Variants in LRCH1 observed in about 807,000 individuals in gnomAD.
LRCH1 encodes leucine rich repeats and calponin homology domain containing 1.
Under a neutral mutation model 94.9 loss-of-function variants are expected in LRCH1, and 23 were observed. That is an observed-to-expected ratio of 0.24 (90% CI 0.17 to 0.34). The LOEUF is 0.34. Ranked by LOEUF, LRCH1 falls within the 10% of genes least tolerant of loss-of-function variation. LRCH1 has a pLI of 1.00. For missense variants in LRCH1, 790 were observed against 945.9 expected, an observed-to-expected ratio of 0.84 and a Z score of 2.16; for synonymous variants, 364 against 354.9, an observed-to-expected ratio of 1.03 and a Z score of -0.29.
chr13:46,722,847 T>C (rs1430626400), intron 16 of LRCH1, among the ~76,000 whole-genome samples: 3 of 152,240 alleles, frequency 2.0e-5, no homozygotes, highest in African/African-American at 7.2e-5. Flanking sequence ...TTATTTGAAA[T>C]AAATTATCTG....
At chr13:46,748,829 G>C (rs1874012506), downstream of LRCH1, among the ~76,000 whole-genome samples, 3 of 152,164 alleles carry the variant, frequency 2.0e-5, no homozygotes, top group Admixed American at 2.0e-4. Context: ...TTGACAGGGG[G>C]CCATCTCTTA....
chr13:46,694,909 A>T lies in LRCH1; in HGVS notation c.1137A>T (p.Glu379Asp). The T allele has an allele frequency of 1.9e-6, 3 of 1,614,156 alleles. No homozygotes were observed. Among genetic ancestry groups the T allele is most frequent in the Non-Finnish European group, 2.5e-6 (3 of 1,179,996 alleles). Residue 379 changes from glutamate to aspartate, a missense_variant, in exon 9 of 20, where the codon GAA becomes GAT. Glu to Asp is a conservative substitution (Grantham distance 45, BLOSUM62 2). This residue lies in a region of LRCH1 where 460 missense variants were observed against 508.9 expected (regional missense o/e 0.90). Transcript: ENST00000389797. ...TCCTAATAGGGGAATTTCATCAGGA[A>T]TTTCAACCGGAGCCTTCCCTTTTGG... ...LSPVKGEFHQ[E>D]FQPEPSLLGD...
At chr13:46,688,985 T>C in intron 6 of LRCH1, 148 bp from the exon 7 acceptor site, 1 of 600,890 alleles carries the variant, frequency 1.7e-6, no homozygotes, top group Non-Finnish European at 2.9e-6. Flanking sequence ...TAATATTCTT[T>C]AATACTAGAC....
chr13:46,657,606 C>T (rs1274670335), intron 2 of LRCH1, among the ~76,000 whole-genome samples: 2 of 128,346 alleles, frequency 1.6e-5, no homozygotes, highest in African/African-American at 5.8e-5. Flanking sequence ...CTTACTGCAG[C>T]CTCGACCTCC....
intron 14 of LRCH1, 141 bp downstream of exon 14, chr13:46,711,985 C>T: frequency 3.4e-6 from 2 of 581,568 alleles, no homozygotes; most frequent in Non-Finnish European, 6.0e-6. Context: ...CTCTCATTAG[C>T]TATCATAGCT....
chr13:46,679,305 T>C (rs1187013431), intron 3 of LRCH1, among the ~76,000 whole-genome samples: 1 of 152,254 alleles, frequency 6.6e-6, no homozygotes, highest in Non-Finnish European at 1.5e-5. Context: ...TAGGATGGAA[T>C]GGCACCTTTT....
intron 17 of LRCH1, among the ~76,000 whole-genome samples, chr13:46,724,186 G>A (rs1445846244): frequency 3.9e-5 from 6 of 151,906 alleles, no homozygotes; most frequent in Admixed American, 6.6e-5. Flanking sequence ...AAAACGTTGG[G>A]ATTACAGGTA....
chr13:46,663,318 C>A (rs2138105046), intron 2 of LRCH1, among the ~76,000 whole-genome samples: 1 of 144,998 alleles, frequency 6.9e-6, no homozygotes, highest in East Asian at 2.1e-4. Context: ...TGTCACCAGG[C>A]AACTGAAAGC....
At chr13:46,671,965 T>G (rs1468147604) in intron 3 of LRCH1, among the ~76,000 whole-genome samples, 1 of 152,218 alleles carries the variant, frequency 6.6e-6, no homozygotes, top group Non-Finnish European at 1.5e-5. Flanking sequence ...GTGTTCACTC[T>G]TGGTGTTGTA....
At position 46,579,437 on chromosome 13, in the gene LRCH1, AT is replaced by A. The variant is rs534409463; in HGVS notation, c.307+25740del. ...TTTTTGCCTAGAGTTATTTTTAGTT[AT>A]TTTTTCTTCCTTGGAATTTCTTTTC... On this transcript the variant is annotated intron_variant, in intron 1 of 19. Coordinates refer to ENST00000389797, the MANE Select transcript of LRCH1 (RefSeq NM_001164211.2). Among the ~76,000 whole-genome samples the A allele has an allele frequency of 5.4e-3, 762 of 142,306 alleles. 9 individuals are homozygous for A. Among genetic ancestry groups the A allele is most frequent in the African/African-American group, 0.019 (719 of 37,784 alleles). 93.4% of individuals were successfully genotyped at this position (142,306 alleles called of 152,430 possible). A position where few individuals can be genotyped will look rare whatever the true frequency, so the allele number is the denominator to read the frequency against.
chr13:46,712,720 T>C, intron 15 of LRCH1, 123 bp downstream of exon 15: 1 of 871,408 alleles, frequency 1.1e-6, no homozygotes, highest in Admixed American at 2.1e-5. Flanking sequence ...AATCCTGGCA[T>C]CTACAGCTAG....
intron 1 of LRCH1, among the ~76,000 whole-genome samples, chr13:46,642,807 C>G (rs139767331): frequency 1.3e-5 from 2 of 152,276 alleles, no homozygotes; most frequent in East Asian, 3.9e-4. Context: ...GTCGTCTGCT[C>G]ACCTGGCTTT....
intron 11 of LRCH1, among the ~76,000 whole-genome samples, chr13:46,701,670 C>T (rs976799905): frequency 2.0e-5 from 3 of 152,132 alleles, no homozygotes; most frequent in Non-Finnish European, 4.4e-5. Flanking sequence ...ATTTGGGATA[C>T]AGGATAATTT....
chr13:46,750,450 C>T (rs1043065990), intron 18 of LRCH1: 16 of 904,186 alleles, frequency 1.8e-5, no homozygotes, highest in Non-Finnish European at 2.8e-5. Context: ...GAGTATTCAA[C>T]CTAACTTTGA....
chr13:46,693,335 A>C (rs182312437), intron 8 of LRCH1, among the ~76,000 whole-genome samples: 29 of 152,186 alleles, frequency 1.9e-4, no homozygotes, highest in Non-Finnish European at 3.2e-4. Flanking sequence ...TCATACCATG[A>C]CTCCATCATC....
chr13:46,588,158 C>T (rs1266813494), intron 1 of LRCH1, among the ~76,000 whole-genome samples: 1 of 152,180 alleles, frequency 6.6e-6, no homozygotes, highest in East Asian at 1.9e-4. Flanking sequence ...ATATTTATAA[C>T]ATGCTGTGCA....
intron 1 of LRCH1, among the ~76,000 whole-genome samples, chr13:46,560,558 A>G (rs1223593494): frequency 6.6e-6 from 1 of 152,200 alleles, no homozygotes; most frequent in African/African-American, 2.4e-5. Flanking sequence ...AAACGTGTTA[A>G]GGATGGAAGG....
chr13:46,662,279 C>G (rs188616755), intron 2 of LRCH1, among the ~76,000 whole-genome samples: 1 of 152,160 alleles, frequency 6.6e-6, no homozygotes, highest in African/African-American at 2.4e-5. Context: ...TGTATCTTTC[C>G]TAGTCATTTA....
intron 1 of LRCH1, among the ~76,000 whole-genome samples, chr13:46,588,997 A>C (rs1449873174): frequency 6.6e-6 from 1 of 151,688 alleles, no homozygotes; most frequent in South Asian, 2.1e-4. Flanking sequence ...GAACAGTTTG[A>C]GATTAATCAG....
Sources: allele counts gnomAD v4.1 joint callset (sites outside exome capture counted in the v4.1 genomes callset), GRCh38; gene constraint gnomAD v4.1.1; regional missense constraint gnomAD v4.1.1; transcripts MANE v1.5; gene names NCBI Gene and HGNC (gene_info 2026-07-23, HGNC 2026-07-21).